Variants in RIPOR2 observed in about 807,000 individuals in gnomAD.
RIPOR2 encodes RHO family interacting cell polarization regulator 2, also known as rho family-interacting cell polarization regulator 2.
In RIPOR2, 39 loss-of-function variants were observed where a neutral mutation model predicts 114.5. That is an observed-to-expected ratio of 0.34 (90% confidence interval 0.26 to 0.44). The LOEUF (loss-of-function observed/expected upper bound fraction) is 0.44, where lower values mean the gene tolerates loss of function less well. Ranked by LOEUF, RIPOR2 falls within the 20% of genes least tolerant of loss-of-function variation. The probability of loss-of-function intolerance (pLI) is 1.00; values close to 1 mark genes in which losing one functional copy is unlikely to be tolerated. For missense variants in RIPOR2, 1,007 were observed against 1,255.1 expected (o/e 0.80, Z 2.99); for synonymous variants, 445 against 484.4 (o/e 0.92, Z 1.07).
upstream of RIPOR2, among the ~76,000 whole-genome samples, chr6:24,936,219 A>T (rs1244204429): frequency 6.6e-6 from 1 of 152,228 alleles, no homozygotes; most frequent in Non-Finnish European, 1.5e-5. Context: ...CAACTTTCAT[A>T]TTTCCTTAAA....
intron 1 of RIPOR2, among the ~76,000 whole-genome samples, chr6:24,889,160 G>T (rs1489355462): frequency 6.6e-6 from 1 of 152,188 alleles, no homozygotes; most frequent in African/African-American, 2.4e-5. Context: ...ATCAAGAGAT[G>T]CAGTTGGAAC....
At chr6:25,017,124 G>C (rs553383103) in intron 1 of RIPOR2, among the ~76,000 whole-genome samples, 7 of 152,194 alleles carry the variant, frequency 4.6e-5, no homozygotes, top group Non-Finnish European at 1.0e-4. Flanking sequence ...TGGATCACCT[G>C]AGGTCAGGAG....
chr6:25,031,753 A>ATCTATGG (rs1561855958), intron 1 of RIPOR2, among the ~76,000 whole-genome samples: 25 of 104,950 alleles, frequency 2.4e-4, no homozygotes, highest in African/African-American at 7.8e-4. Flanking sequence ...ATATATATAA[A>ATCTATGG]ATATCCATAG....
chr6:24,897,092 A>C lies in RIPOR2; in HGVS notation c.62-21275T>G, dbSNP rs377632008. ...TTTTGAAGAACGCCATTCACACTGT[A>C]TATTTCTCAAACCTCATCCCAATAC... On this transcript the variant is annotated intron_variant, in intron 1 of 21. Coordinates refer to ENST00000643898, the MANE Select transcript of RIPOR2 (RefSeq NM_001286445.3). 4.3e-4 allele frequency among the ~76,000 whole-genome samples: 65 copies of C among 152,326 alleles called. 1 individual carries two copies. In the South Asian group the frequency reaches 0.011, roughly 27 times the overall value.
intron 1 of RIPOR2, among the ~76,000 whole-genome samples, chr6:25,014,609 A>C (rs75401301): frequency 0.042 from 6,437 of 152,308 alleles, 448 homozygotes; most frequent in African/African-American, 0.14. Context: ...GGTGCTAATA[A>C]GTGTCAAATT....
intron 1 of RIPOR2, among the ~76,000 whole-genome samples, chr6:24,963,100 CA>C (rs756702939): frequency 6.6e-5 from 10 of 152,136 alleles, no homozygotes; most frequent in Non-Finnish European, 1.3e-4. Context: ...TACAATGGCG[CA>C]ATCTTGGCTC....
chr6:24,999,676 C>T (rs370990201), intron 1 of RIPOR2, among the ~76,000 whole-genome samples: 2 of 152,058 alleles, frequency 1.3e-5, no homozygotes, highest in South Asian at 2.1e-4. Context: ...CTGCCTCAGC[C>T]TCCCAAGTAG....
intron 6 of RIPOR2, among the ~76,000 whole-genome samples, chr6:24,867,848 T>C (rs1764780226): frequency 6.6e-6 from 1 of 152,228 alleles, no homozygotes; most frequent in Non-Finnish European, 1.5e-5. Flanking sequence ...TTACATATAA[T>C]TTGTTAGGCG....
intron 1 of RIPOR2, among the ~76,000 whole-genome samples, chr6:24,890,147 A>G (rs1405686815): frequency 6.6e-6 from 1 of 152,036 alleles, no homozygotes; most frequent in Non-Finnish European, 1.5e-5. Context: ...CACCCGCCTC[A>G]GCCTCCCAAA....
chr6:25,027,860 C>T (rs1272146463), intron 1 of RIPOR2, among the ~76,000 whole-genome samples: 1 of 152,196 alleles, frequency 6.6e-6, no homozygotes, highest in African/African-American at 2.4e-5. Flanking sequence ...CCCGGAGACA[C>T]GCCCAGGAGC....
At chr6:24,818,025 A>C (rs1304600064) in intron 20 of RIPOR2, among the ~76,000 whole-genome samples, 1 of 127,264 alleles carries the variant, frequency 7.9e-6, no homozygotes, top group African/African-American at 2.9e-5. Context: ...GCTGGAGTAC[A>C]ATGGCACAAT....
intron 1 of RIPOR2, among the ~76,000 whole-genome samples, chr6:24,955,900 T>C (rs187760353): frequency 6.6e-6 from 1 of 151,230 alleles, no homozygotes; most frequent in East Asian, 1.9e-4. Flanking sequence ...TCCCAGCTAC[T>C]TGGGAGGCTG....
intron 12 of RIPOR2, chr6:24,847,409 C>T (rs911519410): frequency 2.0e-5 from 16 of 810,970 alleles, no homozygotes; most frequent in Middle Eastern, 3.9e-4. Context: ...CCAAGTGTCC[C>T]GCCCCAAGGA....
intron 1 of RIPOR2, among the ~76,000 whole-genome samples, chr6:24,955,497 C>T (rs1476035815): frequency 3.5e-5 from 2 of 57,144 alleles, no homozygotes; most frequent in African/African-American, 6.1e-5. Context: ...TCTAGTTAGC[C>T]CTTTTTCATT....
At chr6:24,904,052 T>C (rs1768729275) in intron 1 of RIPOR2, among the ~76,000 whole-genome samples, 1 of 152,220 alleles carries the variant, frequency 6.6e-6, no homozygotes. Flanking sequence ...GGATTCCATG[T>C]GTGAGTTGGG....
chr6:24,847,475 A>G (rs562812987), intron 12 of RIPOR2: 2 of 1,478,644 alleles, frequency 1.4e-6, no homozygotes, highest in Non-Finnish European at 1.8e-6. Context: ...AACAAGAGAC[A>G]TGCTAAGTCA....
chr6:24,925,431 C>T (rs216264), intron 1 of RIPOR2, among the ~76,000 whole-genome samples: 22,652 of 151,990 alleles, frequency 0.15, 2,052 homozygotes, highest in African/African-American at 0.25. Context: ...AGGCTGGGCG[C>T]GGTGGGTCAT....
At chr6:24,951,226 CA>C (rs1772737033) in intron 1 of RIPOR2, among the ~76,000 whole-genome samples, 1 of 152,108 alleles carries the variant, frequency 6.6e-6, no homozygotes, top group African/African-American at 2.4e-5. Flanking sequence ...CTCTACCTCC[CA>C]ATATTAGGCA....
rs1759388706 is a variant in RIPOR2, at chr6:24,818,625, C to T, written c.2869G>A (p.Ala957Thr). 6.5e-7 allele frequency: 1 copy of T among 1,543,432 alleles called. No individual in the cohort carries two copies. The highest frequency in any genetic ancestry group is 2.5e-5 in the East Asian group (1 of 40,768). The change falls in exon 20 of 22, where the codon GCC becomes ACC. Residue 957 changes from alanine to threonine, a missense_variant and splice_region_variant. By Grantham distance (58) the Ala-to-Thr change is moderately conservative. Coordinates refer to ENST00000643898, the MANE Select transcript of RIPOR2 (RefSeq NM_001286445.3). ...ASKNQHFREKALLYYCEALTK... is the reference protein window; with the variant it reads ...ASKNQHFREKTLLYYCEALTK... ...AGTGCTTCACAGTAATAGAGCAAGG[C>T]CTGAAAGAGAAGGAGGGACCTCATG...
Sources: allele counts gnomAD v4.1 joint callset (sites outside exome capture counted in the v4.1 genomes callset), GRCh38; gene constraint gnomAD v4.1.1; transcripts MANE v1.5; gene names NCBI Gene and HGNC (gene_info 2026-07-23, HGNC 2026-07-21).